Variants in PRKN observed in about 807,000 individuals in gnomAD.
The protein encoded by PRKN is parkin RBR E3 ubiquitin protein ligase, also known as E3 ubiquitin-protein ligase parkin.
PRKN carries 56 observed loss-of-function variants against 59.5 expected under a neutral mutation model. That is an observed-to-expected ratio of 0.94 (90% CI 0.76 to 1.18). PRKN has a LOEUF of 1.18. PRKN is among the 50% of genes most tolerant of loss of function. PRKN has a pLI of 0.00. For missense variants in PRKN, 657 were observed against 596.4 expected (o/e 1.10, Z -1.06); for synonymous variants, 250 against 222.1 (o/e 1.13, Z -1.12).
At chr6:162,719,321 A>T (rs1778845352) in intron 1 of PRKN, among the ~76,000 whole-genome samples, 2 of 152,170 alleles carry the variant, frequency 1.3e-5, no homozygotes, top group African/African-American at 4.8e-5. Flanking sequence ...AGAGAACATG[A>T]CCTCACTTGT....
intron 7 of PRKN, among the ~76,000 whole-genome samples, chr6:161,690,958 AATCCATCCATCC>A (rs35211075): frequency 0.03 from 4,335 of 145,818 alleles, 149 homozygotes; most frequent in African/African-American, 0.074. Context: ...TCGATTGAAC[AATCCATCCATCC>A]ATCCATCCAT....
At chr6:162,013,366 G>C (rs1307168868) in intron 5 of PRKN, among the ~76,000 whole-genome samples, 5 of 151,890 alleles carry the variant, frequency 3.3e-5, no homozygotes. Flanking sequence ...TTTCTTTTCT[G>C]GTGTAAGAAA....
In PRKN at chr6:161,913,098, C is replaced by T. The variant is rs560147754; in HGVS notation, c.734+60204G>A. 7.0e-5 allele frequency among the ~76,000 whole-genome samples: 10 copies of T among 142,782 alleles called. No homozygotes were observed. In the South Asian group the frequency reaches 7.1e-4, roughly 10 times the overall value. The allele number at this position is 142,782 out of a possible 152,430, so 93.7% of individuals were successfully genotyped here. ...CTGAGGCAGGAGAATTGCCCAGAGG[C>T]GGAGGCTGCAGTGAGCTGAGATCAC... On this transcript the variant is annotated intron_variant, in intron 6 of 11. Coordinates refer to ENST00000366898, the MANE Select transcript of PRKN (RefSeq NM_004562.3).
In PRKN at chr6:162,189,213, AT is replaced by A. The variant is rs202015337; in HGVS notation, c.534+11917del. Among the ~76,000 whole-genome samples, 286 of 151,838 alleles carry A rather than the reference AT, an allele frequency of 1.9e-3. 1 individual carries two copies. The highest frequency in any genetic ancestry group is 6.5e-3 in the African/African-American group (271 of 41,422). On this transcript the variant is annotated intron_variant, in intron 4 of 11. Transcript: ENST00000366898. ...TTATATTCTATAGGAGGGAATTGAG[AT>A]TAGACAACTGCAAAGTTGATTCCTA...
rs1354074813 is a variant in PRKN, at chr6:161,391,969, T to C, written c.1084-5092A>G. Among the ~76,000 whole-genome samples, 5 of 152,020 alleles carry C rather than the reference T, an allele frequency of 3.3e-5. No individual in the cohort carries two copies. The highest frequency in any genetic ancestry group is 7.4e-5 in the Non-Finnish European group (5 of 68,012). Reference sequence around the variant, plus strand: ...TATACACAGATATATAGATACAATGTGTGCCTGCATGTATATATATGTAGG... The same window carrying C: ...TATACACAGATATATAGATACAATGCGTGCCTGCATGTATATATATGTAGG... On this transcript the variant is annotated intron_variant, in intron 9 of 11. Transcript: ENST00000366898. This position sits in a 1 kb window ranked among gnomAD's most constrained non-coding sequence, Gnocchi z 4.9.
chr6:162,007,149 A>G (rs1782288753), intron 5 of PRKN, among the ~76,000 whole-genome samples: 1 of 152,192 alleles, frequency 6.6e-6, no homozygotes, highest in Admixed American at 6.5e-5. Context: ...CAAGGTTGCT[A>G]TTAGTCATTT....
At chr6:162,415,688 C>T (rs1788593654) in intron 2 of PRKN, among the ~76,000 whole-genome samples, 1 of 151,882 alleles carries the variant, frequency 6.6e-6, no homozygotes, top group South Asian at 2.1e-4. Flanking sequence ...CTGGTGACAC[C>T]CATCTGTAGT....
At chr6:161,979,282 T>C (rs146071765) in intron 5 of PRKN, among the ~76,000 whole-genome samples, 136 of 152,308 alleles carry the variant, frequency 8.9e-4, no homozygotes, top group Middle Eastern at 6.8e-3. Context: ...CAACTTTATT[T>C]ATTTTTTTGA....
chr6:162,712,980 T>TA (rs1778592031), intron 1 of PRKN, among the ~76,000 whole-genome samples: 1 of 152,122 alleles, frequency 6.6e-6, no homozygotes, highest in African/African-American at 2.4e-5. Flanking sequence ...TTCACCACAC[T>TA]AGAGTGTGGA....
intron 1 of PRKN, among the ~76,000 whole-genome samples, chr6:162,723,596 A>T (rs1779017311): frequency 6.6e-6 from 1 of 152,224 alleles, no homozygotes; most frequent in East Asian, 1.9e-4. Flanking sequence ...ATGTTGTATT[A>T]GTGGAGGCTT....
chr6:162,477,080 T>A (rs918282662), intron 1 of PRKN, among the ~76,000 whole-genome samples: 31 of 152,206 alleles, frequency 2.0e-4, no homozygotes, highest in African/African-American at 7.5e-4. Flanking sequence ...AGAGGTCAGT[T>A]TTTGAGCAAA....
chr6:162,033,077 C>T (rs149006647), intron 5 of PRKN, among the ~76,000 whole-genome samples: 252 of 152,142 alleles, frequency 1.7e-3, no homozygotes, highest in Admixed American at 2.2e-3. Context: ...TTATTCCAGA[C>T]ACTGGCTCCT....
chr6:162,561,337 A>C (rs1385741632), intron 1 of PRKN, among the ~76,000 whole-genome samples: 1 of 152,228 alleles, frequency 6.6e-6, no homozygotes, highest in African/African-American at 2.4e-5. Context: ...GACTGAGCGA[A>C]AGAAGAAAGC....
At chr6:162,437,741 A>G (rs974424503) in intron 2 of PRKN, among the ~76,000 whole-genome samples, 10 of 152,158 alleles carry the variant, frequency 6.6e-5, no homozygotes, top group Non-Finnish European at 1.2e-4. Flanking sequence ...TCCATCCAAG[A>G]TATTTTGTAT....
chr6:161,725,412 T>C lies in PRKN; in HGVS notation c.871+60360A>G, dbSNP rs114698842. 5.7e-3 allele frequency among the ~76,000 whole-genome samples: 866 copies of C among 152,286 alleles called. 11 individuals are homozygous for C. The highest frequency in any genetic ancestry group is 0.02 in the African/African-American group (841 of 41,550). ...TGGTGCCTGATGAAGTGGGGAATCA[T>C]TTATCTTCAAAGATAGTACCACCTA... On this transcript the variant is annotated intron_variant, in intron 7 of 11. Transcript: ENST00000366898.
At chr6:162,455,078 A>AC (rs1271110550) in intron 1 of PRKN, among the ~76,000 whole-genome samples, 6 of 152,290 alleles carry the variant, frequency 3.9e-5, no homozygotes, top group Admixed American at 1.3e-4. Flanking sequence ...TAGCTCTTCT[A>AC]CCCCTTGGTA....
intron 4 of PRKN, among the ~76,000 whole-genome samples, chr6:162,062,359 G>A (rs796356290): frequency 2.6e-5 from 4 of 152,148 alleles, no homozygotes; most frequent in South Asian, 4.1e-4. Context: ...TGCAGAGGTC[G>A]CTTGGGGCTG....
chr6:162,634,604 A>T (rs1401651941), intron 1 of PRKN, among the ~76,000 whole-genome samples: 1 of 152,214 alleles, frequency 6.6e-6, no homozygotes, highest in Non-Finnish European at 1.5e-5. Flanking sequence ...TGACACGAGA[A>T]GAGTGATGGA....
At chr6:161,595,787 A>G (rs887553562) in intron 7 of PRKN, among the ~76,000 whole-genome samples, 3 of 152,182 alleles carry the variant, frequency 2.0e-5, no homozygotes, top group Non-Finnish European at 4.4e-5. Context: ...GATCACCTTT[A>G]TGGCAATTTG....
Sources: allele counts gnomAD v4.1 joint callset (sites outside exome capture counted in the v4.1 genomes callset), GRCh38; gene constraint gnomAD v4.1.1; non-coding constraint Gnocchi (gnomAD v3.1); transcripts MANE v1.5; gene names NCBI Gene and HGNC (gene_info 2026-07-23, HGNC 2026-07-21).